LDB2: variants seen among roughly 807,000 people sequenced by gnomAD.
The protein encoded by LDB2 is LIM domain-binding protein 2.
In LDB2, 12 loss-of-function variants were observed where a neutral mutation model predicts 44.3. That is an observed-to-expected ratio of 0.27 (90% CI 0.17 to 0.44). LDB2 has a LOEUF of 0.44. Ranked by LOEUF, LDB2 falls within the 20% of genes least tolerant of loss-of-function variation. The pLI is 1.00. For missense variants in LDB2, 344 were observed against 473.5 expected, an observed-to-expected ratio of 0.73 and a Z score of 2.54; for synonymous variants, 164 against 174.8, an observed-to-expected ratio of 0.94 and a Z score of 0.49.
At chr4:16,870,084 G>GTGT (rs974739638) in intron 1 of LDB2, among the ~76,000 whole-genome samples, 2 of 152,170 alleles carry the variant, frequency 1.3e-5, no homozygotes, top group African/African-American at 4.8e-5. Flanking sequence ...AGCAGCCATT[G>GTGT]TGTTTTGTAC....
chr4:16,721,808 T>A (rs1198033085), intron 2 of LDB2, among the ~76,000 whole-genome samples: 2 of 152,132 alleles, frequency 1.3e-5, no homozygotes, highest in African/African-American at 4.8e-5. Context: ...CTAGATAATC[T>A]AAAGCCGAAA....
intron 5 of LDB2, among the ~76,000 whole-genome samples, chr4:16,579,534 T>G (rs1313391969): frequency 2.0e-5 from 3 of 152,192 alleles, no homozygotes; most frequent in African/African-American, 7.2e-5. Flanking sequence ...AATATTAGAA[T>G]AAAAATTTAA....
chr4:16,608,662 G>A (rs921286026), intron 2 of LDB2, among the ~76,000 whole-genome samples: 1 of 152,176 alleles, frequency 6.6e-6, no homozygotes, highest in Non-Finnish European at 1.5e-5. Context: ...AAGCGCACCG[G>A]ACTTTCCGCC....
intron 2 of LDB2, among the ~76,000 whole-genome samples, chr4:16,721,786 A>G (rs1758344329): frequency 6.6e-6 from 1 of 152,176 alleles, no homozygotes; most frequent in African/African-American, 2.4e-5. Flanking sequence ...GGTTGGGCAC[A>G]GGCCAGTTAG....
intron 1 of LDB2, among the ~76,000 whole-genome samples, chr4:16,783,868 A>G (rs1190500244): frequency 6.6e-6 from 1 of 151,880 alleles, no homozygotes; most frequent in Non-Finnish European, 1.5e-5. Flanking sequence ...AAAAGTTTTT[A>G]TTTTGTTGCA....
chr4:16,513,014 C>T (rs192735312), intron 5 of LDB2, among the ~76,000 whole-genome samples: 171 of 152,298 alleles, frequency 1.1e-3, no homozygotes, highest in Non-Finnish European at 2.3e-3. Context: ...ATTGCAATTA[C>T]AATGATATAA....
chr4:16,774,173 A>T (rs1046800302), intron 1 of LDB2, among the ~76,000 whole-genome samples: 3 of 150,674 alleles, frequency 2.0e-5, no homozygotes, highest in African/African-American at 7.3e-5. Flanking sequence ...AAAAAAAAAA[A>T]AAAAGGGTAA....
chr4:16,838,610 A>C (rs538049918), intron 1 of LDB2, among the ~76,000 whole-genome samples: 1 of 152,200 alleles, frequency 6.6e-6, no homozygotes, highest in Admixed American at 6.5e-5. Context: ...GTGTACTGTC[A>C]CTCTCTGGAG....
At chr4:16,671,778 T>C (rs1446081660) in intron 2 of LDB2, among the ~76,000 whole-genome samples, 1 of 151,952 alleles carries the variant, frequency 6.6e-6, no homozygotes, top group Non-Finnish European at 1.5e-5. Flanking sequence ...CCACATCTCA[T>C]TAACCATCCA....
At chr4:16,561,825 C>CA (rs538706443) in intron 5 of LDB2, among the ~76,000 whole-genome samples, 4 of 152,090 alleles carry the variant, frequency 2.6e-5, no homozygotes, top group African/African-American at 4.8e-5. Context: ...AACTATACTA[C>CA]AGGCTACAGT....
At chr4:16,672,813 T>C (rs992970984) in intron 2 of LDB2, among the ~76,000 whole-genome samples, 4 of 71,546 alleles carry the variant, frequency 5.6e-5, no homozygotes, top group Non-Finnish European at 7.5e-5. Context: ...ACTGCTTGCG[T>C]GCCTGCCTGC....
chr4:16,562,032 C>T (rs1331295318), intron 5 of LDB2, among the ~76,000 whole-genome samples: 1 of 152,192 alleles, frequency 6.6e-6, no homozygotes, highest in Non-Finnish European at 1.5e-5. Flanking sequence ...AAAGCTGAAA[C>T]TGGATCCCTT....
At position 16,512,068 on chromosome 4, in the gene LDB2, A is replaced by T. The variant is rs762750195; in HGVS notation, c.652T>A (p.Ser218Thr). 1.2e-6 allele frequency: 2 copies of T among 1,613,546 alleles called. No homozygotes were observed. The highest frequency in any genetic ancestry group is 2.2e-5 in the South Asian group (2 of 91,022). Residue 218 changes from serine to threonine, a missense_variant, in exon 6 of 8, where the codon TCG (serine) becomes ACG (threonine). By Grantham distance (58) the Ser-to-Thr change is moderately conservative (BLOSUM62 1). Around this residue, in one of 3 missense-constraint regions of LDB2, gnomAD observed 86 missense variants for 171.2 expected, o/e 0.50. Coordinates refer to ENST00000304523, the MANE Select transcript of LDB2 (RefSeq NM_001290.5). ...CTGAGGTTGTAAGTTTTATGTCTCGACATCAGTTCCTGCATTGGCTCCAAT... is the reference window on the plus strand; with the variant it reads ...CTGAGGTTGTAAGTTTTATGTCTCGTCATCAGTTCCTGCATTGGCTCCAAT... Reference protein sequence around the residue: ...VILEPMQELMSRHKTYNLSPR... With the variant: ...VILEPMQELMTRHKTYNLSPR...
intron 5 of LDB2, among the ~76,000 whole-genome samples, chr4:16,516,246 A>G (rs1723690925): frequency 6.6e-6 from 1 of 152,220 alleles, no homozygotes; most frequent in South Asian, 2.1e-4. Flanking sequence ...TCACCTGCAA[A>G]ACAATACCCA....
chr4:16,630,379 G>A (rs1731576990), intron 2 of LDB2, among the ~76,000 whole-genome samples: 1 of 152,168 alleles, frequency 6.6e-6, no homozygotes, highest in Non-Finnish European at 1.5e-5. Context: ...TTACAGACAA[G>A]CAAATGCTGA....
intron 5 of LDB2, among the ~76,000 whole-genome samples, chr4:16,516,472 C>G (rs545562086): frequency 1.3e-5 from 2 of 152,312 alleles, no homozygotes; most frequent in Admixed American, 1.3e-4. Flanking sequence ...GAGAATAACA[C>G]AATCTCTGCC....
intron 2 of LDB2, among the ~76,000 whole-genome samples, chr4:16,613,598 A>T (rs550087016): frequency 1.6e-4 from 24 of 152,332 alleles, no homozygotes; most frequent in African/African-American, 5.8e-4. Flanking sequence ...ATGTGCAAAC[A>T]TCACAAGCAT....
chr4:16,619,928 CA>C (rs1273093671), intron 2 of LDB2, among the ~76,000 whole-genome samples: 1 of 150,722 alleles, frequency 6.6e-6, no homozygotes, highest in Non-Finnish European at 1.5e-5. Flanking sequence ...GCAGATAAAA[CA>C]TTATGAATAA....
At chr4:16,740,071 T>C in intron 2 of LDB2, among the ~76,000 whole-genome samples, 1 of 152,164 alleles carries the variant, frequency 6.6e-6, no homozygotes, top group Admixed American at 6.5e-5. Context: ...AATCACATGG[T>C]ACAATTAATA....
Sources: allele counts gnomAD v4.1 joint callset (sites outside exome capture counted in the v4.1 genomes callset), GRCh38; gene constraint gnomAD v4.1.1; regional missense constraint gnomAD v4.1.1; transcripts MANE v1.5; gene names NCBI Gene and HGNC (gene_info 2026-07-23, HGNC 2026-07-21).